Variants in ZP3 observed in about 807,000 individuals in gnomAD.
ZP3 encodes zona pellucida glycoprotein 3.
In ZP3, 21 loss-of-function variants were observed where a neutral mutation model predicts 35.6. The ratio of observed to expected loss-of-function variants is 0.59; its 90% CI spans 0.42 to 0.85. The LOEUF (loss-of-function observed/expected upper bound fraction) is 0.85, where lower values mean the gene tolerates loss of function less well. Ranked by LOEUF, ZP3 falls within the 40% of genes least tolerant of loss-of-function variation. ZP3 has a pLI of 0.00. For synonymous variants in ZP3, 207 were observed against 214.5 expected, an observed-to-expected ratio of 0.96 and a Z score of 0.31; for missense variants, 437 against 536.5, an observed-to-expected ratio of 0.81 and a Z score of 1.83.
At chr7:76,416,349 A>T (rs1185388805) in intron 1 of ZP3, among the ~76,000 whole-genome samples, 3 of 152,118 alleles carry the variant, frequency 2.0e-5, no homozygotes, top group African/African-American at 7.2e-5. Flanking sequence ...GCATTGCTTG[A>T]GCCCTGGAAG....
rs528459319 is a variant in ZP3 at position 76,407,825 on chromosome 7, C to T, written c.-67+10028C>T. ...ACCAGTGTCCCAGAAGCCTCTCTCA[C>T]GTCCCCTTTTCTTGCAGACTTTTAG... On this transcript the variant is annotated intron_variant, in intron 1 of 8. Coordinates refer to the ZP3 transcript ENST00000336517. 8.5e-5 allele frequency among the ~76,000 whole-genome samples: 13 copies of T among 152,320 alleles called. No individual in the cohort carries two copies. The East Asian group carries it at 1.7e-3, about 20-fold the overall frequency.
chr7:76,438,654 C>A (rs1174582998), intron 5 of ZP3, among the ~76,000 whole-genome samples: 1 of 142,830 alleles, frequency 7.0e-6, no homozygotes, highest in Non-Finnish European at 1.5e-5. Context: ...TTCATTCCCT[C>A]GTACTTGTCT....
chr7:76,436,597 G>A (rs1806022197), intron 5 of ZP3, among the ~76,000 whole-genome samples: 1 of 152,212 alleles, frequency 6.6e-6, no homozygotes. Flanking sequence ...AGATCAGTAG[G>A]GTAGCAAAAG....
chr7:76,415,896 G>C (rs1410818124), intron 1 of ZP3, among the ~76,000 whole-genome samples: 2 of 151,878 alleles, frequency 1.3e-5, no homozygotes, highest in African/African-American at 4.8e-5. Flanking sequence ...TTGGGAGGCT[G>C]AGGCAGGCGG....
chr7:76,435,423 G>A (rs1304520746), intron 5 of ZP3, among the ~76,000 whole-genome samples: 3 of 152,268 alleles, frequency 2.0e-5, no homozygotes, highest in African/African-American at 7.2e-5. Context: ...CCAAAGTGCT[G>A]GAATTACAGG....
intron 1 of ZP3, among the ~76,000 whole-genome samples, chr7:76,411,013 A>AAAAAAG (rs1554623386): frequency 0.062 from 8,048 of 130,668 alleles, 439 homozygotes; most frequent in Middle Eastern, 0.12. Context: ...AAAAAAAAAA[A>AAAAAAG]AAAAGAAAAG....
At chr7:76,416,086 C>T (rs1321157009) in intron 1 of ZP3, among the ~76,000 whole-genome samples, 3 of 151,532 alleles carry the variant, frequency 2.0e-5, no homozygotes, top group African/African-American at 4.8e-5. Context: ...GCCGAGATTG[C>T]ACCATTGCAC....
At position 76,415,364 on chromosome 7, in the gene ZP3, C is replaced by CAA. The variant is rs528001072; in HGVS notation, c.-66-9674_-66-9673dup. Among the ~76,000 whole-genome samples, 17 of 63,518 alleles carry CAA rather than the reference C, an allele frequency of 2.7e-4. No individual in the cohort carries two copies. In the East Asian group the frequency reaches 7.6e-3, roughly 29 times the overall value. 41.7% of individuals were successfully genotyped at this position (63,518 alleles called of 152,430 possible). ...CTGGCGATAGAGTGAGACTCCGTCTCAAAAAAAAAAAAAAAGGTCTGGAAT... is the reference window on the plus strand; with the variant it reads ...CTGGCGATAGAGTGAGACTCCGTCTCAAAAAAAAAAAAAAAAAGGTCTGGAAT... On this transcript the variant is annotated intron_variant, in intron 1 of 8. Coordinates refer to the ZP3 transcript ENST00000336517.
intron 5 of ZP3, among the ~76,000 whole-genome samples, chr7:76,437,667 T>G (rs1165300666): frequency 1.3e-5 from 2 of 149,862 alleles, no homozygotes; most frequent in Non-Finnish European, 3.0e-5. Context: ...CTGTATTTTT[T>G]TTTTTTTTTT....
In ZP3 at chr7:76,433,520, G is replaced by A. The variant is rs754783232; in HGVS notation, c.586G>A (p.Ala196Thr). 2 of 1,614,064 alleles carry A rather than the reference G, an allele frequency of 1.2e-6. No individual in the cohort carries two copies. The highest frequency in any genetic ancestry group is 1.7e-6 in the Non-Finnish European group (2 of 1,179,998). Residue 196 changes from alanine (A) to threonine (T), a missense_variant, in exon 4 of 8, where the codon GCC (alanine) becomes ACC (threonine). By Grantham distance (58) the Ala-to-Thr change is moderately conservative (BLOSUM62 0). Transcript: ENST00000394857. ...CCCCACCTTCCACCTGGGAGATGCA[G>A]CCCACCTCCAGGCAGAAATCCACAC... ...RSPTFHLGDA[A>T]HLQAEIHTGS... is the part of the protein sequence containing the mutation.
At chr7:76,423,007 A>AAGAGAGAG (rs747350112), upstream of ZP3, among the ~76,000 whole-genome samples, 275 of 76,108 alleles carry the variant, frequency 3.6e-3, 18 homozygotes, top group South Asian at 0.018. Flanking sequence ...AAAAGAAAGA[A>AAGAGAGAG]AGAGAGAGAG....
At chr7:76,429,401 A>T in intron 1 of ZP3, 114 bp from the exon 2 acceptor site, 1 of 972,164 alleles carries the variant, frequency 1.0e-6, no homozygotes, top group Non-Finnish European at 1.6e-6. Context: ...CCTGGCCTTG[A>T]CCCTGTGGTC....
At chr7:76,430,813 G>C (rs1487227641) in intron 2 of ZP3, among the ~76,000 whole-genome samples, 1 of 152,222 alleles carries the variant, frequency 6.6e-6, no homozygotes, top group East Asian at 1.9e-4. Context: ...ATGCCCCTGG[G>C]AGGGGTCATG....
chr7:76,407,791 C>T (rs1805087986), intron 1 of ZP3, among the ~76,000 whole-genome samples: 2 of 152,192 alleles, frequency 1.3e-5, no homozygotes, highest in African/African-American at 2.4e-5. Flanking sequence ...AGAGCATTCA[C>T]ACCATGTAAC....
At chr7:76,407,056 G>A (rs1170902653) in intron 1 of ZP3, among the ~76,000 whole-genome samples, 2 of 152,078 alleles carry the variant, frequency 1.3e-5, no homozygotes, top group Admixed American at 6.6e-5. Context: ...CACCTCCTGG[G>A]TTCAAGGAAT....
At chr7:76,435,522 G>A (rs868375770) in intron 5 of ZP3, among the ~76,000 whole-genome samples, 2 of 152,248 alleles carry the variant, frequency 1.3e-5, no homozygotes, top group Admixed American at 6.5e-5. Flanking sequence ...AGGTGGTTAG[G>A]AAGTGATTAA....
At chr7:76,435,290 G>GT (rs1805959129) in intron 5 of ZP3, among the ~76,000 whole-genome samples, 1 of 152,374 alleles carries the variant, frequency 6.6e-6, no homozygotes, top group Admixed American at 6.5e-5. Flanking sequence ...GTAGCTGGGA[G>GT]TACAGGTACC....
At chr7:76,417,771 C>G (rs2115857727) in intron 1 of ZP3, among the ~76,000 whole-genome samples, 1 of 151,780 alleles carries the variant, frequency 6.6e-6, no homozygotes, top group South Asian at 2.1e-4. Flanking sequence ...ACCACCACAC[C>G]TGGCTAATTT....
intron 5 of ZP3, among the ~76,000 whole-genome samples, chr7:76,439,158 A>C (rs1806118634): frequency 7.3e-6 from 1 of 137,740 alleles, no homozygotes; most frequent in Non-Finnish European, 1.6e-5. Flanking sequence ...AAAACCTCTT[A>C]AGTCTGAAAT....
Sources: allele counts gnomAD v4.1 joint callset (sites outside exome capture counted in the v4.1 genomes callset), GRCh38; gene constraint gnomAD v4.1.1; transcripts MANE v1.5; gene names NCBI Gene and HGNC (gene_info 2026-07-23, HGNC 2026-07-21).